Variants in ANKIB1 observed in about 807,000 individuals in gnomAD.
ANKIB1 encodes ankyrin repeat and IBR domain-containing protein 1.
ANKIB1 carries 43 observed loss-of-function variants against 122.1 expected under a neutral mutation model. That is an observed-to-expected ratio of 0.35 (90% confidence interval 0.28 to 0.45). The LOEUF is 0.45. Among genes scored for constraint, ANKIB1 ranks in the 20% least tolerant of loss-of-function variants. The pLI is 1.00. For missense variants in ANKIB1, 992 were observed against 1,329.5 expected, an observed-to-expected ratio of 0.75 and a Z score of 3.95; for synonymous variants, 390 against 442.0, an observed-to-expected ratio of 0.88 and a Z score of 1.48.
intron 3 of ANKIB1, 72 bp from the exon 4 acceptor site, chr7:92,319,258 A>C (rs532902787): frequency 4.4e-6 from 4 of 911,938 alleles, no homozygotes; most frequent in Non-Finnish European, 6.5e-6. Flanking sequence ...TATATTTTTA[A>C]TGTTTTAAAA....
At chr7:92,299,559 G>A (rs1802420481) in intron 2 of ANKIB1, among the ~76,000 whole-genome samples, 2 of 151,978 alleles carry the variant, frequency 1.3e-5, no homozygotes, top group Non-Finnish European at 2.9e-5. Context: ...CTATATAAAG[G>A]CTGGATTTTC....
At chr7:92,359,982 CCA>C (rs1803907107) in intron 9 of ANKIB1, among the ~76,000 whole-genome samples, 1 of 152,080 alleles carries the variant, frequency 6.6e-6, no homozygotes, top group Non-Finnish European at 1.5e-5. Flanking sequence ...CTCTGTAAAA[CCA>C]CAATTATGGA....
At chr7:92,359,586 CA>C (rs1209502513) in intron 9 of ANKIB1, among the ~76,000 whole-genome samples, 3 of 152,110 alleles carry the variant, frequency 2.0e-5, no homozygotes, top group Non-Finnish European at 4.4e-5. Flanking sequence ...GGTATATACC[CA>C]GTAATGGGAT....
intron 1 of ANKIB1, among the ~76,000 whole-genome samples, chr7:92,289,719 G>A (rs903626338): frequency 2.0e-5 from 3 of 152,216 alleles, no homozygotes; most frequent in African/African-American, 7.2e-5. Flanking sequence ...AATAATGCAT[G>A]TTGACTGGGG....
chr7:92,366,130 A>G (rs1417334455), intron 10 of ANKIB1, among the ~76,000 whole-genome samples: 2 of 152,126 alleles, frequency 1.3e-5, no homozygotes, highest in Non-Finnish European at 2.9e-5. Flanking sequence ...GATTTAATAC[A>G]CCATAAGAAG....
At chr7:92,293,978 C>G (rs1802301187) in intron 1 of ANKIB1, among the ~76,000 whole-genome samples, 1 of 152,114 alleles carries the variant, frequency 6.6e-6, no homozygotes, top group Admixed American at 6.5e-5. Context: ...ACAGCCATAC[C>G]TAAGAAATGG....
chr7:92,308,073 T>C (rs1464996393), intron 3 of ANKIB1, among the ~76,000 whole-genome samples: 1 of 152,144 alleles, frequency 6.6e-6, no homozygotes, highest in Non-Finnish European at 1.5e-5. Context: ...GGTTTCACCA[T>C]GTTGGCCAGG....
chr7:92,336,851 G>A (rs755546210), intron 5 of ANKIB1, among the ~76,000 whole-genome samples: 27 of 152,044 alleles, frequency 1.8e-4, no homozygotes, highest in Non-Finnish European at 3.1e-4. Context: ...TTGCTCTCTA[G>A]TGTCCTCAGA....
At chr7:92,355,006 G>T (rs934391182) in intron 9 of ANKIB1, among the ~76,000 whole-genome samples, 3 of 152,162 alleles carry the variant, frequency 2.0e-5, no homozygotes, top group African/African-American at 4.8e-5. Flanking sequence ...CCATACCCAG[G>T]AGATATCTGC....
In ANKIB1 at chr7:92,400,366, A is replaced by G. The variant is rs1014733050; in HGVS notation, c.*1417A>G. ...CAGTGTGTAATTAAAACTAGAGTAA[A>G]CTGTTGGAATGGCTGTTTTACTTAA... On this transcript the variant is annotated 3_prime_UTR_variant, in exon 20 of 20. Transcript: ENST00000265742. 8 of 152,186 alleles carry G rather than the reference A, an allele frequency of 5.3e-5. No homozygotes were observed. Among genetic ancestry groups the G allele is most frequent in the African/African-American group, 1.9e-4 (8 of 41,454 alleles). The allele number at this position is 152,186 out of a possible 1,614,324, so 9.4% of individuals were successfully genotyped here.
chr7:92,324,459 C>T (rs918696587), intron 4 of ANKIB1, among the ~76,000 whole-genome samples: 73 of 152,212 alleles, frequency 4.8e-4, no homozygotes, highest in African/African-American at 1.7e-3. Flanking sequence ...GTCTTGAACT[C>T]GTGACCTCAA....
chr7:92,261,343 C>T (rs1247688038), intron 1 of ANKIB1, among the ~76,000 whole-genome samples: 41 of 138,502 alleles, frequency 3.0e-4, no homozygotes, highest in African/African-American at 1.1e-3. Flanking sequence ...AGCGAGACTC[C>T]GTCTCAAAAA....
rs1344834587 is a variant in ANKIB1 at position 92,307,654 on chromosome 7, G to C, written c.484G>C (p.Glu162Gln). Residue 162 changes from glutamate to glutamine, a missense_variant and splice_region_variant, in exon 3 of 20, where the codon GAG becomes CAG. Transcript: ENST00000265742. ...AAASGMKACV[E>Q]LLVKHGGDLF... ...TGCCTCAGGGATGAAAGCCTGTGTA[G>C]AGGTAAATTTTTTTTTTTTTTAATA... 1.3e-6 allele frequency: 2 copies of C among 1,526,956 alleles called. 1 individual carries two copies. The highest frequency in any genetic ancestry group is 1.7e-6 in the Non-Finnish European group (2 of 1,144,164). 94.6% of individuals were successfully genotyped at this position (1,526,956 alleles called of 1,614,324 possible).
intron 1 of ANKIB1, among the ~76,000 whole-genome samples, chr7:92,292,264 A>G (rs192053695): frequency 1.7e-3 from 257 of 152,330 alleles, no homozygotes; most frequent in Admixed American, 3.5e-3. Flanking sequence ...TCAAAATTTT[A>G]AAATGAAACA....
chr7:92,369,021 G>A (rs150117699), intron 10 of ANKIB1, among the ~76,000 whole-genome samples: 3 of 152,126 alleles, frequency 2.0e-5, no homozygotes, highest in Admixed American at 2.0e-4. Context: ...GTGCCTCTGA[G>A]CTAACAATAA....
intron 1 of ANKIB1, among the ~76,000 whole-genome samples, chr7:92,274,943 A>G (rs979520682): frequency 2.0e-5 from 3 of 152,186 alleles, no homozygotes; most frequent in South Asian, 4.1e-4. Context: ...AATATTTTTC[A>G]GTCTCTGCAG....
intron 12 of ANKIB1, 84 bp downstream of exon 12, chr7:92,386,727 A>G: frequency 2.4e-6 from 3 of 1,266,200 alleles, no homozygotes; most frequent in Non-Finnish European, 3.1e-6. Context: ...TTCTATTTTC[A>G]TCTTAATAAA....
chr7:92,367,234 A>G lies in ANKIB1; in HGVS notation c.1487-4243A>G, dbSNP rs558224928. 3.9e-5 allele frequency among the ~76,000 whole-genome samples: 6 copies of G among 152,334 alleles called. No homozygotes were observed. In the South Asian group the frequency reaches 1.0e-3, roughly 26 times the overall value. On this transcript the variant is annotated intron_variant, in intron 10 of 19. Transcript: ENST00000265742. ...AGAGAAGGAACCAAGCCAAGGCTGC[A>G]GAGAAAGTCCCAGTTATTGTTAAGA...
At chr7:92,334,044 G>T (rs1803235576) in intron 5 of ANKIB1, among the ~76,000 whole-genome samples, 1 of 152,024 alleles carries the variant, frequency 6.6e-6, no homozygotes, top group Non-Finnish European at 1.5e-5. Context: ...CACTTTTAAT[G>T]ACTATATGTA....
Sources: allele counts gnomAD v4.1 joint callset (sites outside exome capture counted in the v4.1 genomes callset), GRCh38; gene constraint gnomAD v4.1.1; transcripts MANE v1.5; gene names NCBI Gene and HGNC (gene_info 2026-07-23, HGNC 2026-07-21).